SASH1: variants seen among roughly 807,000 people sequenced by gnomAD.
SASH1 encodes the protein SAM and SH3 domain containing 1, also known as SAM and SH3 domain-containing protein 1.
Under a neutral mutation model 125.2 loss-of-function variants are expected in SASH1, and 44 were observed. That is an observed-to-expected ratio of 0.35 (90% CI 0.28 to 0.45). The LOEUF (loss-of-function observed/expected upper bound fraction) is 0.45, where lower values mean the gene tolerates loss of function less well. Among genes scored for constraint, SASH1 ranks in the 20% least tolerant of loss-of-function variants. The probability of loss-of-function intolerance (pLI) is 1.00; values close to 1 mark genes in which losing one functional copy is unlikely to be tolerated. For missense variants in SASH1, 1,426 were observed against 1,614.5 expected, an observed-to-expected ratio of 0.88 and a Z score of 2.00; for synonymous variants, 639 against 649.1, an observed-to-expected ratio of 0.98 and a Z score of 0.24.
chr6:148,402,685 G>A (rs1407238224), intron 2 of SASH1, among the ~76,000 whole-genome samples: 1 of 151,386 alleles, frequency 6.6e-6, no homozygotes, highest in Non-Finnish European at 1.5e-5. Flanking sequence ...CACGATCTTG[G>A]CTCACTGCAA....
At chr6:148,371,601 G>A (rs772793048) in intron 1 of SASH1, among the ~76,000 whole-genome samples, 6 of 151,950 alleles carry the variant, frequency 3.9e-5, no homozygotes, top group Non-Finnish European at 7.4e-5. Context: ...TAGCATGAGA[G>A]TCATGTCAGG....
chr6:148,349,436 G>T (rs1781642093), intron 1 of SASH1, among the ~76,000 whole-genome samples: 1 of 151,380 alleles, frequency 6.6e-6, no homozygotes. Flanking sequence ...GCTAATTTTT[G>T]TATTTTTAGT....
chr6:148,319,411 A>G (rs748884114), intron 1 of SASH1, among the ~76,000 whole-genome samples: 2 of 152,054 alleles, frequency 1.3e-5, no homozygotes, highest in Non-Finnish European at 2.9e-5. Context: ...GTCCTCCCTT[A>G]TTCATGGTTT....
chr6:148,267,660 G>C (rs1304528923), upstream of SASH1, among the ~76,000 whole-genome samples: 1 of 152,104 alleles, frequency 6.6e-6, no homozygotes, highest in Non-Finnish European at 1.5e-5. Context: ...TTACAGACAT[G>C]AGTCACCGTG....
chr6:148,371,915 A>G (rs1782720752), intron 1 of SASH1, among the ~76,000 whole-genome samples: 1 of 152,186 alleles, frequency 6.6e-6, no homozygotes, highest in Admixed American at 6.5e-5. Flanking sequence ...GATGTTTACT[A>G]TCAGAACCAT....
chr6:148,290,728 C>T (rs1016935474), intron 1 of SASH1, among the ~76,000 whole-genome samples: 11 of 35,778 alleles, frequency 3.1e-4, no homozygotes, highest in African/African-American at 2.1e-3. Flanking sequence ...ACAAACACTG[C>T]GGAAGGCGGA....
In SASH1 at chr6:148,532,871, G is replaced by C. The variant is rs1457748894; in HGVS notation, c.1639G>C (p.Glu547Gln). 6.2e-7 allele frequency: 1 copy of C among 1,614,092 alleles called. No homozygotes were observed. Among genetic ancestry groups the C allele is most frequent in the African/African-American group, 1.3e-5 (1 of 74,922 alleles). The change falls in exon 14 of 20, where the codon GAA becomes CAA. Residue 547 changes from glutamate to glutamine, a missense_variant. Physicochemically the swap from Glu to Gln is conservative, Grantham distance 29 (BLOSUM62 2). Around this residue, in one of 3 missense-constraint regions of SASH1, gnomAD observed 225 missense variants for 344.5 expected, o/e 0.65. Coordinates refer to ENST00000367467, the MANE Select transcript of SASH1 (RefSeq NM_015278.5). The surrounding 1 kb of genome is among the most constrained non-coding windows in gnomAD (Gnocchi z 4.7). ...ESVKSEDGDD[E>Q]EPPYRGPFCG... is the part of the protein sequence containing the mutation. ...CGTCAAGTCGGAAGATGGGGATGAC[G>C]AAGAGCCGCCTTACCGAGGCCCGTT...
chr6:148,282,008 T>C (rs1300602705), intron 1 of SASH1, among the ~76,000 whole-genome samples: 1 of 152,060 alleles, frequency 6.6e-6, no homozygotes, highest in African/African-American at 2.4e-5. Flanking sequence ...TACACAATCA[T>C]GTCAGCACTG....
chr6:148,428,102 G>A (rs898285003), intron 2 of SASH1, among the ~76,000 whole-genome samples: 2 of 152,184 alleles, frequency 1.3e-5, no homozygotes, highest in Non-Finnish European at 2.9e-5. Flanking sequence ...AACTGATCAT[G>A]TTGTCTGTCT....
rs1780645290 is a variant in SASH1 at position 148,519,186 on chromosome 6, C to T, written c.863-361C>T. 6.6e-6 allele frequency among the ~76,000 whole-genome samples: 1 copy of T among 152,172 alleles called. No homozygotes were observed. The highest frequency in any genetic ancestry group is 1.5e-5 in the Non-Finnish European group (1 of 68,042). On this transcript the variant is annotated intron_variant, in intron 9 of 19. Transcript: ENST00000367467. This position sits in a 1 kb window ranked among gnomAD's most constrained non-coding sequence, Gnocchi z 4.8. The stretch of plus-strand genomic sequence containing the variant: ...GTGCCTTTCAGAAGGGGGAAAGATC[C>T]TGATTCCTAGTTTCAGAGGGTTGCA...
In SASH1 at chr6:148,540,462, A is replaced by G. The variant is rs1433043958; in HGVS notation, c.2115A>G (p.Gly705=). ...QEYDSNSDQS[G]SQEKLLVDSQ... ...CTCTAGGTAACAGCGACCAGTCAGG[A>G]TCCCAGGAGAAGCTGCTCGTTGACA... is the stretch of plus-strand genomic sequence containing the variant. The change falls in exon 17 of 20, where the codon GGA becomes GGG. Residue 705 remains glycine (G), a synonymous_variant. Transcript: ENST00000367467. 14 of 1,613,920 alleles carry G rather than the reference A, an allele frequency of 8.7e-6. No individual in the cohort carries two copies. The highest frequency in any genetic ancestry group is 1.2e-5 in the Non-Finnish European group (14 of 1,179,960).
the SASH1 span, among the ~76,000 whole-genome samples, chr6:148,225,386 T>C: frequency 6.6e-6 from 1 of 150,522 alleles, no homozygotes; most frequent in East Asian, 1.9e-4. Flanking sequence ...GGAATACTAC[T>C]CATCCATAAA....
At chr6:148,233,742 CAAAAAA>C in the SASH1 span, among the ~76,000 whole-genome samples, 11 of 60,534 alleles carry the variant, frequency 1.8e-4, no homozygotes, top group South Asian at 7.1e-4. Context: ...TTCCTCTCTA[CAAAAAA>C]AAAAAAAAAA....
At chr6:148,296,812 G>T (rs970516137) in intron 1 of SASH1, among the ~76,000 whole-genome samples, 2 of 152,212 alleles carry the variant, frequency 1.3e-5, no homozygotes, top group Non-Finnish European at 2.9e-5. Context: ...GAAGGAGCTG[G>T]CATGGAGGAT....
chr6:148,487,088 T>TACACACACACACACACAC (rs757099589), intron 7 of SASH1, among the ~76,000 whole-genome samples: 5 of 101,712 alleles, frequency 4.9e-5, no homozygotes, highest in South Asian at 3.1e-4. Flanking sequence ...ATAACACATA[T>TACACACACACACACACAC]ATATACACAC....
intron 4 of SASH1, among the ~76,000 whole-genome samples, chr6:148,447,294 G>A (rs1314164344): frequency 1.3e-5 from 2 of 152,178 alleles, no homozygotes; most frequent in African/African-American, 4.8e-5. Context: ...GTAAATAAAA[G>A]TAGAGAAGGC....
intron 5 of SASH1, 28 bp downstream of exon 5, chr6:148,468,613 A>G (rs1777958342): frequency 2.1e-6 from 3 of 1,461,086 alleles, no homozygotes; most frequent in Non-Finnish European, 2.8e-6. Context: ...TGGTTTACCT[A>G]TTTAATTATT....
the SASH1 span, among the ~76,000 whole-genome samples, chr6:148,257,376 A>T: frequency 2.6e-5 from 4 of 152,276 alleles, no homozygotes; most frequent in Middle Eastern, 3.4e-3. Flanking sequence ...ATTCCTATCC[A>T]AGGCTGGCAT....
the SASH1 span, among the ~76,000 whole-genome samples, chr6:148,246,242 T>G: frequency 6.6e-6 from 1 of 152,218 alleles, no homozygotes; most frequent in African/African-American, 2.4e-5. Context: ...TAGAAGTCTT[T>G]TCATTGTCAT....
Sources: gnomAD v4.1 joint callset for allele counts (sites outside exome capture counted in the v4.1 genomes callset) on GRCh38, gnomAD v4.1.1 for gene constraint, gnomAD v4.1.1 regional missense constraint, Gnocchi (gnomAD v3.1) non-coding constraint, MANE v1.5 for transcripts, NCBI Gene and HGNC (gene_info 2026-07-23, HGNC 2026-07-21) for gene names.